The following RASSF3 variants were observed in gnomAD, a reference collection of about 807,000 sequenced individuals.
The protein encoded by RASSF3 is Ras association domain family member 3.
In RASSF3, 19 loss-of-function variants were observed where a neutral mutation model predicts 19.9. The observed-to-expected ratio is 0.96, with a 90% CI of 0.67 to 1.40. RASSF3 has a LOEUF of 1.40. Among genes scored for constraint, RASSF3 ranks in the 40% most tolerant of loss-of-function variants. RASSF3 has a pLI of 0.00. For missense variants in RASSF3, 306 were observed against 289.8 expected, an observed-to-expected ratio of 1.06 and a Z score of -0.41; for synonymous variants, 110 against 104.2, an observed-to-expected ratio of 1.06 and a Z score of -0.34.
chr12:64,684,737 C>T lies in RASSF3; in HGVS notation c.112-50C>T, dbSNP rs760470088. 8 of 1,318,940 alleles carry T rather than the reference C, an allele frequency of 6.1e-6. No homozygotes were observed. In the Admixed American group the frequency reaches 8.5e-5, roughly 14 times the overall value. 81.7% of individuals were successfully genotyped at this position (1,318,940 alleles called of 1,614,324 possible). The stretch of plus-strand genomic sequence containing the variant: ...TGAGCCACTGCGCCCGGCCTATCCG[C>T]ACTTTTTTTTATGATTGCTCACATG... On this transcript the variant is annotated intron_variant, in intron 1 of 4. Transcript: ENST00000542104.
At chr12:64,694,736 C>T in intron 4 of RASSF3, 27 bp from the exon 5 acceptor site, 1 of 1,613,206 alleles carries the variant, frequency 6.2e-7, no homozygotes, top group Non-Finnish European at 8.5e-7. Context: ...AAACATCTGG[C>T]ATTTTTCTTT....
chr12:64,616,487 A>AC (rs1227906256), intron 1 of RASSF3, among the ~76,000 whole-genome samples: 1 of 151,520 alleles, frequency 6.6e-6, no homozygotes, highest in Non-Finnish European at 1.5e-5. Flanking sequence ...CGCATTTTCC[A>AC]CCCCCAAGTC....
chr12:64,613,292 C>G (rs971337583), intron 1 of RASSF3, among the ~76,000 whole-genome samples: 1 of 151,330 alleles, frequency 6.6e-6, no homozygotes, highest in Non-Finnish European at 1.5e-5. Flanking sequence ...TTTATCCTTT[C>G]TCTAGAGAGA....
chr12:64,641,748 A>ATT (rs60194376), intron 1 of RASSF3, among the ~76,000 whole-genome samples: 28 of 139,608 alleles, frequency 2.0e-4, no homozygotes, highest in Middle Eastern at 3.6e-3. Context: ...GTACCTAGTG[A>ATT]TTTTTTTTTT....
intron 1 of RASSF3, among the ~76,000 whole-genome samples, chr12:64,650,176 G>T (rs1244438675): frequency 6.6e-6 from 1 of 152,094 alleles, no homozygotes; most frequent in Non-Finnish European, 1.5e-5. Flanking sequence ...TTCTATCTTG[G>T]ATTCACCCTG....
intron 2 of RASSF3, among the ~76,000 whole-genome samples, chr12:64,589,544 A>AGC (rs1374440464): frequency 6.6e-6 from 1 of 152,208 alleles, no homozygotes; most frequent in Non-Finnish European, 1.5e-5. Flanking sequence ...ACATGCCAGT[A>AGC]TTGCTTCCAC....
chr12:64,612,540 G>A (rs771917088), intron 1 of RASSF3, among the ~76,000 whole-genome samples: 7 of 141,622 alleles, frequency 4.9e-5, no homozygotes, highest in African/African-American at 1.1e-4. Flanking sequence ...GAGTGCAGTC[G>A]TGTGATCTCA....
At chr12:64,626,505 A>AAG (rs56688809) in intron 1 of RASSF3, among the ~76,000 whole-genome samples, 4 of 151,064 alleles carry the variant, frequency 2.6e-5, no homozygotes, top group Admixed American at 6.6e-5. Context: ...AAAAAAAAAA[A>AAG]GAAAAAAAAA....
chr12:64,587,906 G>T (rs1869842365), intron 2 of RASSF3, among the ~76,000 whole-genome samples: 1 of 152,058 alleles, frequency 6.6e-6, no homozygotes, highest in African/African-American at 2.4e-5. Context: ...GTAGTTCCAT[G>T]GTATTAACTA....
intron 2 of RASSF3, among the ~76,000 whole-genome samples, chr12:64,566,074 A>G (rs1869426134): frequency 6.6e-6 from 1 of 150,802 alleles, no homozygotes. Context: ...GGTGGCAGGC[A>G]CCTATAGTCC....
intron 4 of RASSF3, among the ~76,000 whole-genome samples, chr12:64,692,241 C>G (rs746906387): frequency 2.0e-5 from 3 of 152,144 alleles, no homozygotes; most frequent in Non-Finnish European, 4.4e-5. Context: ...AGTCTTCTGT[C>G]TGGAACAGGA....
At chr12:64,518,959 A>G (rs533479008) in intron 1 of RASSF3, among the ~76,000 whole-genome samples, 185 of 152,344 alleles carry the variant, frequency 1.2e-3, no homozygotes, top group African/African-American at 4.2e-3. Context: ...TATAATCAAC[A>G]GGGAACACAT....
At chr12:64,541,595 T>C in exon 2 of RASSF3, 1 of 398,570 alleles carries the variant, frequency 2.5e-6, no homozygotes, top group Non-Finnish European at 4.4e-6. Flanking sequence ...TAAATATATA[T>C]GTCATGCTCA....
intron 2 of RASSF3, among the ~76,000 whole-genome samples, chr12:64,592,164 G>A (rs904781484): frequency 3.3e-5 from 5 of 152,114 alleles, no homozygotes; most frequent in African/African-American, 1.2e-4. Context: ...GTTTCCCAAA[G>A]TGCTGGGATT....
intron 1 of RASSF3, among the ~76,000 whole-genome samples, chr12:64,631,419 C>T (rs1402512101): frequency 6.6e-6 from 1 of 152,022 alleles, no homozygotes; most frequent in Non-Finnish European, 1.5e-5. Flanking sequence ...GCAGAGGAAG[C>T]AGGAGAGTGA....
downstream of RASSF3, among the ~76,000 whole-genome samples, chr12:64,544,171 G>A (rs972269256): frequency 1.3e-5 from 2 of 151,988 alleles, no homozygotes; most frequent in African/African-American, 2.4e-5. Context: ...GAGCTGTAAC[G>A]CCCACCGTGA....
intron 1 of RASSF3, among the ~76,000 whole-genome samples, chr12:64,682,679 C>T (rs1050326630): frequency 6.6e-6 from 1 of 151,876 alleles, no homozygotes; most frequent in Non-Finnish European, 1.5e-5. Context: ...TTTTCTTACT[C>T]TACGTGGTAT....
intron 1 of RASSF3, among the ~76,000 whole-genome samples, chr12:64,653,292 C>T (rs1394619148): frequency 6.6e-6 from 1 of 152,160 alleles, no homozygotes; most frequent in Non-Finnish European, 1.5e-5. Context: ...ATTGCCCTGG[C>T]TGGTCTCAAA....
At chr12:64,690,892 C>T (rs1868270268) in intron 3 of RASSF3, among the ~76,000 whole-genome samples, 2 of 151,602 alleles carry the variant, frequency 1.3e-5, no homozygotes, top group Admixed American at 6.6e-5. Flanking sequence ...CAGAGTTTCA[C>T]TCTTGTTGCC....
Sources: gnomAD v4.1 joint callset for allele counts (sites outside exome capture counted in the v4.1 genomes callset) on GRCh38, gnomAD v4.1.1 for gene constraint, MANE v1.5 for transcripts, NCBI Gene and HGNC (gene_info 2026-07-23, HGNC 2026-07-21) for gene names.